The following DPP6 variants were observed in gnomAD, a reference collection of about 807,000 sequenced individuals.
DPP6 encodes the protein dipeptidyl peptidase like 6.
DPP6 carries 69 observed loss-of-function variants against 122.6 expected under a neutral mutation model. The ratio of observed to expected loss-of-function variants is 0.56; its 90% CI spans 0.46 to 0.69. The LOEUF is 0.69. DPP6 is among the 30% of genes least tolerant of loss of function. The pLI, the probability that DPP6 is intolerant of heterozygous loss-of-function variation, is 0.00. For synonymous variants in DPP6, 418 were observed against 433.1 expected (o/e 0.97, Z 0.43); for missense variants, 928 against 1,116.9 (o/e 0.83, Z 2.41).
At position 154,380,214 on chromosome 7, in the gene DPP6, G is replaced by A. The variant is rs1464093823; in HGVS notation, c.244-66000G>A. 2.6e-5 allele frequency among the ~76,000 whole-genome samples: 4 copies of A among 152,180 alleles called. No individual in the cohort carries two copies. In the East Asian group the frequency reaches 7.7e-4, roughly 29 times the overall value. ...CTGAACACCTGTGTTGAATGTATTA[G>A]GTGTGGTAAAAGAGGGGTAAGAGTA... On this transcript the variant is annotated intron_variant, in intron 1 of 25. Coordinates refer to ENST00000377770, the MANE Select transcript of DPP6 (RefSeq NM_130797.4).
At chr7:153,804,661 G>C in the DPP6 span, among the ~76,000 whole-genome samples, 1 of 152,080 alleles carries the variant, frequency 6.6e-6, no homozygotes, top group Admixed American at 6.5e-5. Flanking sequence ...TTGGGAGACT[G>C]AGGTGGGTGA....
Position 154,872,582 on chromosome 7 carries a change from A to G in DPP6, c.1814-42A>G, listed in dbSNP as rs1804488459. On this transcript the variant is annotated intron_variant, in intron 18 of 25. Coordinates refer to ENST00000377770, the MANE Select transcript of DPP6 (RefSeq NM_130797.4). ...AGGGCATGCCCGATACCCCGTGGCCAGCATTGCCCCCTAACCCGTGCTGTG... is the reference window on the plus strand; with the variant it reads ...AGGGCATGCCCGATACCCCGTGGCCGGCATTGCCCCCTAACCCGTGCTGTG... 4 of 1,566,412 alleles carry G rather than the reference A, an allele frequency of 2.6e-6. No individual in the cohort carries two copies. The African/African-American group carries it at 4.1e-5, about 16-fold the overall frequency.
At chr7:154,236,675 G>A (rs1801234607) in intron 1 of DPP6, among the ~76,000 whole-genome samples, 1 of 152,122 alleles carries the variant, frequency 6.6e-6, no homozygotes, top group Admixed American at 6.6e-5. Context: ...GTGGACTCAT[G>A]GAAAGCCTCA....
At chr7:153,893,830 G>A (rs189668474) in intron 1 of DPP6, among the ~76,000 whole-genome samples, 40 of 152,352 alleles carry the variant, frequency 2.6e-4, no homozygotes, top group Admixed American at 1.2e-3. Context: ...TATTAGGAAA[G>A]GAAATGTTAC....
chr7:154,136,629 A>T (rs1173128057), intron 1 of DPP6, among the ~76,000 whole-genome samples: 1 of 152,142 alleles, frequency 6.6e-6, no homozygotes, highest in East Asian at 1.9e-4. Flanking sequence ...CTTCTTCCTT[A>T]TTACTCAGGC....
Position 154,063,541 on chromosome 7 carries a change from AG to A in DPP6, c.243+10481del, listed in dbSNP as rs748588682. Among the ~76,000 whole-genome samples the A allele has an allele frequency of 1.2e-4, 15 of 124,722 alleles. 2 individuals carry two copies. Among genetic ancestry groups the A allele is most frequent in the African/African-American group, 1.7e-4 (6 of 34,378 alleles). 81.8% of individuals were successfully genotyped at this position (124,722 alleles called of 152,430 possible). A position where few individuals can be genotyped will look rare whatever the true frequency, so the allele number is the denominator to read the frequency against. Reference sequence around the variant, plus strand: ...GCAGGAGGGGGAGGCACCCCCCGCGAGGGTGGGGACTGAGAGCTATCCCCTC... The same window carrying A: ...GCAGGAGGGGGAGGCACCCCCCGCGAGGTGGGGACTGAGAGCTATCCCCTC... On this transcript the variant is annotated intron_variant, in intron 1 of 25. Coordinates refer to ENST00000377770, the MANE Select transcript of DPP6 (RefSeq NM_130797.4).
intron 4 of DPP6, among the ~76,000 whole-genome samples, chr7:154,545,615 T>A: frequency 6.6e-6 from 1 of 152,166 alleles, no homozygotes; most frequent in East Asian, 1.9e-4. Flanking sequence ...TTTAACACCA[T>A]CTCTCCAATT....
rs1800800378 is a variant in DPP6 at position 154,833,529 on chromosome 7, C to A, written c.1667-20251C>A. Among the ~76,000 whole-genome samples, 1 of 152,108 alleles carries A rather than the reference C, an allele frequency of 6.6e-6. No homozygotes were observed. The highest frequency in any genetic ancestry group is 1.9e-4 in the East Asian group (1 of 5,176). ...TATTTATTATCTGAAACACTCAGAG[C>A]AGGACCTGTTGCTGGTAGACGGTGG... On this transcript the variant is annotated intron_variant, in intron 16 of 25. Coordinates refer to ENST00000377770, the MANE Select transcript of DPP6 (RefSeq NM_130797.4). This position sits in a 1 kb window ranked among gnomAD's most constrained non-coding sequence, Gnocchi z 4.3.
chr7:154,876,026 A>G lies in DPP6; in HGVS notation c.2004A>G (p.Gln668=). 1 of 1,613,166 alleles carries G rather than the reference A, an allele frequency of 6.2e-7. No homozygotes were observed. Among genetic ancestry groups the G allele is most frequent in the Non-Finnish European group, 8.5e-7 (1 of 1,179,680 alleles). The change falls in exon 20 of 26, where the codon CAA becomes CAG. Residue 668 remains glutamine, a synonymous_variant. Transcript: ENST00000377770. ...GTGACGGCCGTGGCAGCGGCTTCCAAGGGACCAAGCTCCTGCACGAAGTGA... is the reference window on the plus strand; with the variant it reads ...GTGACGGCCGTGGCAGCGGCTTCCAGGGGACCAAGCTCCTGCACGAAGTGA... ...VKCDGRGSGF[Q]GTKLLHEVRR... is the part of the protein sequence containing the mutation.
At chr7:153,864,111 T>G in the DPP6 span, among the ~76,000 whole-genome samples, 1,715 of 152,304 alleles carry the variant, frequency 0.011, 29 homozygotes, top group African/African-American at 0.038. Context: ...GGATTGAAAT[T>G]GCTGAGTCAA....
At position 154,211,263 on chromosome 7, in the gene DPP6, C is replaced by T. The variant is rs1241971580; in HGVS notation, c.243+158200C>T. On this transcript the variant is annotated intron_variant, in intron 1 of 25. Coordinates refer to ENST00000377770, the MANE Select transcript of DPP6 (RefSeq NM_130797.4). Reference sequence around the variant, plus strand: ...CTGGAGGAGGGAACAAGCTGGCAGACAGCCCCCACCTGGGCATAGGTACAT... The same window carrying T: ...CTGGAGGAGGGAACAAGCTGGCAGATAGCCCCCACCTGGGCATAGGTACAT... Among the ~76,000 whole-genome samples the T allele has an allele frequency of 2.0e-5, 3 of 152,170 alleles. 1 individual carries two copies. The highest frequency in any genetic ancestry group is 2.9e-5 in the Non-Finnish European group (2 of 68,034).
chr7:154,172,154 C>T (rs1797566715), intron 1 of DPP6, among the ~76,000 whole-genome samples: 2 of 151,648 alleles, frequency 1.3e-5, no homozygotes, highest in Non-Finnish European at 2.9e-5. Context: ...TCTTCCCTGC[C>T]TGCCTGCCTG....
At chr7:154,547,325 G>A (rs1027830669) in intron 4 of DPP6, among the ~76,000 whole-genome samples, 1 of 152,236 alleles carries the variant, frequency 6.6e-6, no homozygotes, top group Non-Finnish European at 1.5e-5. Context: ...CTGGCAGCTC[G>A]TGATGCCCAC....
intron 10 of DPP6, among the ~76,000 whole-genome samples, chr7:154,774,564 G>A (rs1477036729): frequency 2.0e-5 from 3 of 152,132 alleles, no homozygotes; most frequent in Non-Finnish European, 2.9e-5. Context: ...TGGGCTTCAG[G>A]TTTTCTGGTT....
At chr7:154,518,411 T>C (rs762962784) in intron 3 of DPP6, among the ~76,000 whole-genome samples, 6 of 152,208 alleles carry the variant, frequency 3.9e-5, no homozygotes, top group Non-Finnish European at 7.4e-5. Context: ...TTTGGGTACA[T>C]AGAAAAAATT....
intron 20 of DPP6, among the ~76,000 whole-genome samples, chr7:154,880,158 C>T (rs776741503): frequency 2.6e-5 from 4 of 152,216 alleles, no homozygotes; most frequent in Non-Finnish European, 4.4e-5. Context: ...AGCCTGCAGG[C>T]GTCCTGCTGC....
At chr7:154,013,449 GTTTCT>G (rs199991677) in intron 1 of DPP6, among the ~76,000 whole-genome samples, 3 of 137,074 alleles carry the variant, frequency 2.2e-5, no homozygotes, top group Admixed American at 7.1e-5. Context: ...GAAACCTCAG[GTTTCT>G]TTTCTTTTTT....
intron 1 of DPP6, among the ~76,000 whole-genome samples, chr7:154,040,556 A>C (rs1270876298): frequency 6.8e-6 from 1 of 147,506 alleles, no homozygotes; most frequent in East Asian, 2.0e-4. Context: ...AGCGAGGCTC[A>C]CATTCAAACA....
intron 16 of DPP6, among the ~76,000 whole-genome samples, chr7:154,815,340 A>G (rs1799352447): frequency 6.6e-6 from 1 of 152,248 alleles, no homozygotes; most frequent in Admixed American, 6.5e-5. Context: ...TTCACAGTCA[A>G]GTGGCATACA....
Sources: gnomAD v4.1 joint callset for allele counts (sites outside exome capture counted in the v4.1 genomes callset) on GRCh38, gnomAD v4.1.1 for gene constraint, Gnocchi (gnomAD v3.1) non-coding constraint, MANE v1.5 for transcripts, NCBI Gene and HGNC (gene_info 2026-07-23, HGNC 2026-07-21) for gene names.